Variants in DIAPH1 observed in about 807,000 individuals in gnomAD.
The protein encoded by DIAPH1 is protein diaphanous homolog 1.
In DIAPH1, 46 loss-of-function variants were observed where a neutral mutation model predicts 140.7. The observed-to-expected ratio is 0.33, with a 90% CI of 0.26 to 0.42. The LOEUF is 0.42. Ranked by LOEUF, DIAPH1 falls within the 10% of genes least tolerant of loss-of-function variation. The pLI is 1.00. For missense variants in DIAPH1, 1,310 were observed against 1,558.7 expected (o/e 0.84, Z 2.69); for synonymous variants, 565 against 551.6 (o/e 1.02, Z -0.34).
chr5:141,575,213 C>G, intron 14 of DIAPH1, 67 bp from the exon 15 acceptor site: 1 of 1,540,644 alleles, frequency 6.5e-7, no homozygotes. Flanking sequence ...AGTATTATTA[C>G]CCATAATTCT....
intron 2 of DIAPH1, among the ~76,000 whole-genome samples, chr5:141,587,921 T>C (rs2099897785): frequency 1.3e-5 from 2 of 152,222 alleles, no homozygotes; most frequent in South Asian, 4.1e-4. Flanking sequence ...TCAGCTCTCC[T>C]TGTTTGAAAA....
At chr5:141,528,390 G>C in intron 23 of DIAPH1, 63 bp downstream of exon 23, 2 of 1,609,130 alleles carry the variant, frequency 1.2e-6, no homozygotes, top group Non-Finnish European at 1.7e-6. Context: ...CATCTAGACT[G>C]TGTCTTATTT....
chr5:141,534,628 C>T (rs2099888742), intron 18 of DIAPH1, 195 bp from the exon 19 acceptor site: 1 of 605,674 alleles, frequency 1.7e-6, no homozygotes, highest in African/African-American at 1.9e-5. Flanking sequence ...TAATAAATAT[C>T]TCATTTTCAT....
intron 1 of DIAPH1, among the ~76,000 whole-genome samples, chr5:141,600,143 T>G (rs548730769): frequency 6.6e-6 from 1 of 152,312 alleles, no homozygotes; most frequent in South Asian, 2.1e-4. Context: ...ATTTCTGGCA[T>G]GAAGGTGGAG....
intron 18 of DIAPH1, chr5:141,564,028 A>G (rs2099893998): frequency 6.6e-6 from 1 of 152,206 alleles, no homozygotes; most frequent in African/African-American, 2.4e-5. Flanking sequence ...ATGAGGCTAC[A>G]ATGAGCTACC....
intron 1 of DIAPH1, among the ~76,000 whole-genome samples, chr5:141,591,080 C>T (rs920669098): frequency 1.3e-5 from 2 of 152,172 alleles, no homozygotes; most frequent in South Asian, 2.1e-4. Flanking sequence ...CCTGGCTTTT[C>T]CCCCCAGTCT....
intron 1 of DIAPH1, among the ~76,000 whole-genome samples, chr5:141,599,028 T>C (rs1324856933): frequency 6.6e-6 from 1 of 152,174 alleles, no homozygotes; most frequent in Non-Finnish European, 1.5e-5. Context: ...CTCTGAATCT[T>C]TAACTTTTCA....
At chr5:141,536,337 G>A (rs1044020330) in intron 18 of DIAPH1, among the ~76,000 whole-genome samples, 2 of 152,014 alleles carry the variant, frequency 1.3e-5, no homozygotes, top group Non-Finnish European at 2.9e-5. Context: ...AGTAGTCCCA[G>A]TTTGAGGAAG....
At chr5:141,522,453 G>A (rs1389794410) in intron 27 of DIAPH1, among the ~76,000 whole-genome samples, 1 of 152,132 alleles carries the variant, frequency 6.6e-6, no homozygotes, top group Non-Finnish European at 1.5e-5. Flanking sequence ...CCAGCAGAGG[G>A]AAGCCACTGA....
chr5:141,525,277 C>T (rs1251157635), intron 26 of DIAPH1, among the ~76,000 whole-genome samples: 1 of 152,130 alleles, frequency 6.6e-6, no homozygotes, highest in Non-Finnish European at 1.5e-5. Context: ...GCTCTGTGAA[C>T]ACCTCTTCAT....
intron 23 of DIAPH1, 42 bp from the exon 24 acceptor site, chr5:141,527,739 CAAGAGCTTACTAATAATCCCAGCCTCA>C (rs2099887603): frequency 1.3e-6 from 2 of 1,520,254 alleles, no homozygotes; most frequent in Non-Finnish European, 1.8e-6. Context: ...AAACAGACAG[CAAGAGCTTACTAATAATCCCAGCCTCA>C]ACACCCCTTA....
At chr5:141,573,003 T>C (rs777284226) in intron 16 of DIAPH1, among the ~76,000 whole-genome samples, 1 of 152,234 alleles carries the variant, frequency 6.6e-6, no homozygotes, top group Non-Finnish European at 1.5e-5. Context: ...TCCGTGGTGA[T>C]GTATGGAATA....
intron 26 of DIAPH1, 148 bp downstream of exon 26, chr5:141,525,890 A>C: frequency 7.9e-7 from 1 of 1,273,084 alleles, no homozygotes; most frequent in Admixed American, 1.7e-5. Context: ...TTGGGGTTAA[A>C]GTCCGGCATC....
intron 1 of DIAPH1, among the ~76,000 whole-genome samples, chr5:141,589,862 C>A (rs1040354741): frequency 4.6e-5 from 7 of 152,126 alleles, no homozygotes; most frequent in Admixed American, 2.0e-4. Context: ...CTTCATCCTG[C>A]CTAATTTTAA....
intron 18 of DIAPH1, among the ~76,000 whole-genome samples, chr5:141,541,684 C>CAAAAAAAAAAAA (rs145217158): frequency 9.6e-6 from 1 of 104,184 alleles, no homozygotes; most frequent in Admixed American, 9.5e-5. Context: ...GATTCTGTCT[C>CAAAAAAAAAAAA]AAAAAAAAAA....
chr5:141,577,517 A>G lies in DIAPH1; in HGVS notation c.1238T>C (p.Ile413Thr). ...TCGGACCAAGAGTAAGTGCTGCAGG[A>G]TGGAAAGGAAGTGTGGCTCTGCCTT... ...DSKAEPHFLS[I>T]LQHLLLVRND... is the part of the protein sequence containing the mutation. The change falls in exon 12 of 28, where the codon ATC becomes ACC. Residue 413 changes from isoleucine (I) to threonine (T), a missense_variant. Ile to Thr is a moderately conservative substitution (Grantham distance 89). Coordinates refer to ENST00000389054, the MANE Select transcript of DIAPH1 (RefSeq NM_005219.5). The G allele has an allele frequency of 1.9e-6, 3 of 1,613,996 alleles. No individual in the cohort carries two copies. Among genetic ancestry groups the G allele is most frequent in the Non-Finnish European group, 2.5e-6 (3 of 1,179,850 alleles).
At chr5:141,590,225 T>C (rs2154596779) in intron 1 of DIAPH1, among the ~76,000 whole-genome samples, 1 of 152,300 alleles carries the variant, frequency 6.6e-6, no homozygotes, top group South Asian at 2.1e-4. Context: ...ACTTTGTCCA[T>C]TTTTCACCAA....
intron 16 of DIAPH1, among the ~76,000 whole-genome samples, 155 bp from the exon 17 acceptor site, chr5:141,572,195 G>T (rs1596376885): frequency 6.6e-6 from 1 of 152,198 alleles, no homozygotes; most frequent in East Asian, 1.9e-4. Context: ...GCTGCAGTGG[G>T]ATTAGGAGAG....
intron 1 of DIAPH1, among the ~76,000 whole-genome samples, chr5:141,601,862 CA>C (rs1455726377): frequency 3.9e-5 from 6 of 152,134 alleles, no homozygotes; most frequent in African/African-American, 1.4e-4. Flanking sequence ...CTCAGTAAAT[CA>C]AACCTTCAAG....
Sources: gnomAD v4.1 joint callset for allele counts (sites outside exome capture counted in the v4.1 genomes callset) on GRCh38, gnomAD v4.1.1 for gene constraint, MANE v1.5 for transcripts, NCBI Gene and HGNC (gene_info 2026-07-23, HGNC 2026-07-21) for gene names.